Variants in NUGGC observed in about 807,000 individuals in gnomAD.
NUGGC encodes the protein nuclear GTPase, germinal center associated.
In NUGGC, 58 loss-of-function variants were observed where a neutral mutation model predicts 92.6. The observed-to-expected ratio is 0.63, with a 90% CI of 0.51 to 0.78. The LOEUF is 0.78. Ranked by LOEUF, NUGGC falls within the 30% of genes least tolerant of loss-of-function variation. The pLI, the probability that NUGGC is intolerant of heterozygous loss-of-function variation, is 0.00. For synonymous variants in NUGGC, 376 were observed against 366.4 expected (o/e 1.03, Z -0.30); for missense variants, 925 against 964.6 (o/e 0.96, Z 0.54).
chr8:28,044,481 G>T (rs1809777002), intron 12 of NUGGC, among the ~76,000 whole-genome samples: 1 of 152,184 alleles, frequency 6.6e-6, no homozygotes, highest in Admixed American at 6.5e-5. Flanking sequence ...GGAGGCTGTT[G>T]GCCTGGGGAC....
intron 7 of NUGGC, 35 bp downstream of exon 7, chr8:28,064,487 G>C (rs1810386786): frequency 6.4e-7 from 1 of 1,569,194 alleles, no homozygotes; most frequent in Non-Finnish European, 8.8e-7. Context: ...GAGGAGTTTA[G>C]GGAAGAGAGA....
At chr8:28,033,518 T>G (rs771716486) in intron 14 of NUGGC, 22 bp downstream of exon 14, 1 of 1,607,556 alleles carries the variant, frequency 6.2e-7, no homozygotes, top group South Asian at 1.1e-5. Flanking sequence ...TTCCCGAAGG[T>G]GCAAGATGAG....
intron 7 of NUGGC, among the ~76,000 whole-genome samples, chr8:28,061,618 C>T (rs563144512): frequency 1.3e-5 from 2 of 152,296 alleles, no homozygotes; most frequent in South Asian, 2.1e-4. Flanking sequence ...TTTTTCTTTT[C>T]GACTTTACAA....
chr8:28,070,965 C>G (rs1175190987), intron 2 of NUGGC, among the ~76,000 whole-genome samples: 1 of 151,546 alleles, frequency 6.6e-6, no homozygotes, highest in Non-Finnish European at 1.5e-5. Flanking sequence ...GCACTCCAAC[C>G]TGGGTCATAC....
intron 18 of NUGGC, among the ~76,000 whole-genome samples, chr8:28,025,893 T>C (rs745620232): frequency 2.6e-5 from 4 of 152,198 alleles, no homozygotes; most frequent in Non-Finnish European, 4.4e-5. Context: ...CACCCTCTCC[T>C]ACCCTCCAGC....
chr8:28,060,524 A>G lies in NUGGC; in HGVS notation c.999T>C (p.Leu333=), dbSNP rs1441470693. ...RVSGGQAHED[L]LNESIKACQR... ...GGCAGGCTTTGATGCTCTCATTCAG[A>G]AGGTCTTCGTGGGCTTGCCCCCCAG... Residue 333 remains leucine (L), a synonymous_variant, in exon 8 of 19, where the codon CTT becomes CTC. Transcript: ENST00000413272. 3 of 1,613,716 alleles carry G rather than the reference A, an allele frequency of 1.9e-6. No homozygotes were observed. Among genetic ancestry groups the G allele is most frequent in the Admixed American group, 3.3e-5 (2 of 59,972 alleles).
rs556373482 is a variant in NUGGC, at chr8:28,023,006, G to A, written c.*311C>T. 1.1e-4 allele frequency: 21 copies of A among 193,420 alleles called. 1 individual carries two copies. In the South Asian group the frequency reaches 3.2e-3, roughly 29 times the overall value. 12.0% of individuals were successfully genotyped at this position (193,420 alleles called of 1,614,324 possible). On this transcript the variant is annotated 3_prime_UTR_variant, in exon 19 of 19. Transcript: ENST00000413272. Reference sequence around the variant, plus strand: ...AATTTCTTGAACCCAGGAGGTGGAGGTTGCAGTGAGCCGAGATTGCACCAC... The same window carrying A: ...AATTTCTTGAACCCAGGAGGTGGAGATTGCAGTGAGCCGAGATTGCACCAC...
At chr8:28,080,125 A>G (rs1015723743) in intron 1 of NUGGC, among the ~76,000 whole-genome samples, 1 of 152,096 alleles carries the variant, frequency 6.6e-6, no homozygotes, top group Non-Finnish European at 1.5e-5. Flanking sequence ...TATCTCTAGT[A>G]GAGACAAGGT....
At chr8:28,073,795 T>C (rs762341003) in intron 2 of NUGGC, among the ~76,000 whole-genome samples, 1 of 152,062 alleles carries the variant, frequency 6.6e-6, no homozygotes, top group Non-Finnish European at 1.5e-5. Flanking sequence ...CCAAGCTGAC[T>C]TTCTGGAACA....
intron 12 of NUGGC, 37 bp downstream of exon 12, chr8:28,045,490 G>T: frequency 6.3e-7 from 1 of 1,596,616 alleles, no homozygotes; most frequent in East Asian, 2.2e-5. Context: ...TCCTGCCCAG[G>T]AAGGGGGAGA....
intron 1 of NUGGC, among the ~76,000 whole-genome samples, chr8:28,075,209 G>A (rs1482128429): frequency 1.3e-5 from 2 of 152,248 alleles, no homozygotes; most frequent in East Asian, 3.9e-4. Context: ...GACTGGGGAA[G>A]GAGATGCAGT....
At chr8:28,033,046 G>A (rs903553456) in intron 14 of NUGGC, among the ~76,000 whole-genome samples, 4 of 152,170 alleles carry the variant, frequency 2.6e-5, no homozygotes, top group Non-Finnish European at 5.9e-5. Flanking sequence ...TGTGGTCTCA[G>A]CTACTTGGGA....
At chr8:28,048,178 T>C (rs918724778) in intron 10 of NUGGC, among the ~76,000 whole-genome samples, 1 of 152,218 alleles carries the variant, frequency 6.6e-6, no homozygotes, top group African/African-American at 2.4e-5. Flanking sequence ...GACCACAGCT[T>C]ATCAATACTA....
At chr8:28,041,359 C>T in intron 12 of NUGGC, 144 bp from the exon 13 acceptor site, 2 of 784,720 alleles carry the variant, frequency 2.5e-6, no homozygotes, top group Non-Finnish European at 4.0e-6. Flanking sequence ...CCCCATAAGA[C>T]CTCACTCAGT....
chr8:28,046,646 C>CATTAG (rs1209380282), intron 11 of NUGGC, among the ~76,000 whole-genome samples: 25 of 151,410 alleles, frequency 1.7e-4, no homozygotes, highest in Non-Finnish European at 3.1e-4. Context: ...ATGCCTGAAG[C>CATTAG]TGGGTGGGAG....
At chr8:28,041,305 C>G (rs561395604) in intron 12 of NUGGC, 90 bp from the exon 13 acceptor site, 45 of 1,302,404 alleles carry the variant, frequency 3.5e-5, no homozygotes, top group Non-Finnish European at 4.4e-5. Flanking sequence ...TTGTCACCAG[C>G]TCAAGATTCA....
chr8:28,036,649 C>T (rs1172822259), intron 13 of NUGGC, among the ~76,000 whole-genome samples: 1 of 152,202 alleles, frequency 6.6e-6, no homozygotes, highest in African/African-American at 2.4e-5. Context: ...CTCTTGGATG[C>T]GAATCTTCCC....
chr8:28,069,238 G>A (rs745573521), intron 4 of NUGGC, among the ~76,000 whole-genome samples: 1 of 152,164 alleles, frequency 6.6e-6, no homozygotes, highest in Non-Finnish European at 1.5e-5. Flanking sequence ...GACTACTGGT[G>A]TGAGTTTGTT....
chr8:28,073,005 AT>A (rs5890399), intron 2 of NUGGC, among the ~76,000 whole-genome samples: 65,358 of 140,700 alleles, frequency 0.46, 15,860 homozygotes, highest in South Asian at 0.65. Flanking sequence ...GACTGTTGAA[AT>A]TTTTTTTTTT....
Sources: allele counts gnomAD v4.1 joint callset (sites outside exome capture counted in the v4.1 genomes callset), GRCh38; gene constraint gnomAD v4.1.1; transcripts MANE v1.5; gene names NCBI Gene and HGNC (gene_info 2026-07-23, HGNC 2026-07-21).